Variants in SLCO3A1 observed in about 807,000 individuals in gnomAD.
SLCO3A1 encodes the protein solute carrier organic anion transporter family member 3A1.
In SLCO3A1, 27 loss-of-function variants were observed where a neutral mutation model predicts 63.1. The ratio of observed to expected loss-of-function variants is 0.43; its 90% CI spans 0.32 to 0.59. The LOEUF (loss-of-function observed/expected upper bound fraction) is 0.59, where lower values mean the gene tolerates loss of function less well. Among genes scored for constraint, SLCO3A1 ranks in the 20% least tolerant of loss-of-function variants. SLCO3A1 has a pLI of 0.09. For missense variants in SLCO3A1, 773 were observed against 945.8 expected, an observed-to-expected ratio of 0.82 and a Z score of 2.40; for synonymous variants, 473 against 409.9, an observed-to-expected ratio of 1.15 and a Z score of -1.86.
At chr15:92,171,806 G>A in exon 11 of SLCO3A1, 5 of 1,551,534 alleles carry the variant, frequency 3.2e-6, no homozygotes, top group South Asian at 1.2e-5. Flanking sequence ...CATTGAGACT[G>A]AGAAAACCTG....
intron 2 of SLCO3A1, among the ~76,000 whole-genome samples, chr15:91,987,990 T>C (rs2046076072): frequency 6.6e-6 from 1 of 152,070 alleles, no homozygotes; most frequent in Non-Finnish European, 1.5e-5. Flanking sequence ...TGTGTCAAAT[T>C]TATTTTGATT....
chr15:92,001,771 C>A (rs552508893), intron 2 of SLCO3A1, among the ~76,000 whole-genome samples: 1 of 150,498 alleles, frequency 6.6e-6, no homozygotes, highest in South Asian at 2.1e-4. Context: ...AGTTCTTGCA[C>A]TTTGCCGGGC....
At chr15:92,001,827 CTTTTTTTTTT>C (rs59951621) in intron 2 of SLCO3A1, among the ~76,000 whole-genome samples, 6 of 80,134 alleles carry the variant, frequency 7.5e-5, no homozygotes, top group East Asian at 4.4e-4. Flanking sequence ...TGTGTGAGTT[CTTTTTTTTTT>C]TTTTTTTTTT....
chr15:91,960,793 A>T (rs1278392552), intron 2 of SLCO3A1, among the ~76,000 whole-genome samples: 1 of 152,092 alleles, frequency 6.6e-6, no homozygotes, highest in Non-Finnish European at 1.5e-5. Context: ...AATTTTGAAT[A>T]TTTGCATTAT....
At chr15:91,971,832 C>T (rs6496885) in intron 2 of SLCO3A1, among the ~76,000 whole-genome samples, 2,699 of 90,362 alleles carry the variant, frequency 0.03, 89 homozygotes, top group African/African-American at 0.074. Context: ...TCAGCAGTGG[C>T]TCCGTATTCA....
At chr15:92,010,680 A>C (rs776009205) in intron 2 of SLCO3A1, among the ~76,000 whole-genome samples, 4 of 152,132 alleles carry the variant, frequency 2.6e-5, no homozygotes, top group Admixed American at 6.5e-5. Flanking sequence ...GTGGGGATCA[A>C]ATGTTCGGCT....
chr15:92,014,981 AG>A (rs2046409592), intron 2 of SLCO3A1, among the ~76,000 whole-genome samples: 1 of 152,174 alleles, frequency 6.6e-6, no homozygotes, highest in African/African-American at 2.4e-5. Flanking sequence ...GTCCCCCAAA[AG>A]GCTGATGCAT....
intron 7 of SLCO3A1, among the ~76,000 whole-genome samples, chr15:92,143,355 A>ATATATATATATATATATTATATTT (rs2048160502): frequency 4.5e-5 from 1 of 22,106 alleles, no homozygotes; most frequent in African/African-American, 1.8e-4. Flanking sequence ...CTCAGTCAAC[A>ATATATATATATATATATTATATTT]TACATATATA....
chr15:91,963,491 C>G lies in SLCO3A1; in HGVS notation c.646+47033C>G, dbSNP rs140592232. Among the ~76,000 whole-genome samples, 988 of 152,044 alleles carry G rather than the reference C, an allele frequency of 6.5e-3. 8 individuals are homozygous for G. Among genetic ancestry groups the G allele is most frequent in the Non-Finnish European group, 8.0e-3 (544 of 68,016 alleles). ...AGAAAGTGGTGTGGGTAGTGAGAAC[C>G]AATGCCCCAAATAACATTTCATCTG... is the stretch of plus-strand genomic sequence containing the variant. On this transcript the variant is annotated intron_variant, in intron 2 of 9. Transcript: ENST00000318445.
chr15:91,983,818 C>T (rs1439976381), intron 2 of SLCO3A1, among the ~76,000 whole-genome samples: 1 of 152,198 alleles, frequency 6.6e-6, no homozygotes, highest in Non-Finnish European at 1.5e-5. Flanking sequence ...GTTTATAGAT[C>T]TCTGGTTTTC....
intron 2 of SLCO3A1, among the ~76,000 whole-genome samples, chr15:92,073,285 C>T (rs1243207514): frequency 2.6e-5 from 4 of 152,126 alleles, no homozygotes; most frequent in Non-Finnish European, 5.9e-5. Flanking sequence ...GGGTCATTTC[C>T]AGGGCTCGGT....
intron 2 of SLCO3A1, among the ~76,000 whole-genome samples, chr15:91,926,596 T>TGTGTGTGTGTGTGCGCGCGCGCGC: frequency 2.0e-4 from 21 of 105,306 alleles, no homozygotes; most frequent in African/African-American, 7.7e-4. Context: ...TGTGTGTGTG[T>TGTGTGTGTGTGTGCGCGCGCGCGC]GCGCGCGCGC....
chr15:92,167,288 A>G (rs560981414), downstream of SLCO3A1, among the ~76,000 whole-genome samples: 2 of 152,162 alleles, frequency 1.3e-5, no homozygotes, highest in African/African-American at 4.8e-5. Context: ...GGCTCACGCC[A>G]TTCTCCTCTG....
At chr15:91,930,680 T>A (rs768015575) in intron 2 of SLCO3A1, among the ~76,000 whole-genome samples, 16 of 152,236 alleles carry the variant, frequency 1.1e-4, no homozygotes, top group Admixed American at 2.0e-4. Flanking sequence ...CATGGATGAA[T>A]CAGACCTAGC....
intron 2 of SLCO3A1, among the ~76,000 whole-genome samples, chr15:91,969,681 A>G (rs1808562099): frequency 6.6e-6 from 1 of 151,904 alleles, no homozygotes; most frequent in Non-Finnish European, 1.5e-5. Flanking sequence ...CACTCATAAG[A>G]CTCCATCTAT....
At chr15:92,094,754 G>C (rs985563092) in intron 2 of SLCO3A1, 127 bp from the exon 3 acceptor site, 2 of 626,192 alleles carry the variant, frequency 3.2e-6, no homozygotes, top group African/African-American at 1.8e-5. Context: ...TCCCCTCTAG[G>C]ATTTTTAGAT....
chr15:91,855,960 T>C (rs1896909046), intron 1 of SLCO3A1, among the ~76,000 whole-genome samples: 1 of 151,954 alleles, frequency 6.6e-6, no homozygotes, highest in South Asian at 2.1e-4. Context: ...GGGCTTACTA[T>C]TTTTCGGTTG....
intron 2 of SLCO3A1, among the ~76,000 whole-genome samples, chr15:92,034,709 G>A (rs1260784597): frequency 2.6e-5 from 4 of 151,802 alleles, no homozygotes; most frequent in Admixed American, 2.6e-4. Context: ...AGGTGACAGC[G>A]ACCATTGGAT....
chr15:91,890,479 G>A (rs1442085870), intron 1 of SLCO3A1, among the ~76,000 whole-genome samples: 1 of 152,090 alleles, frequency 6.6e-6, no homozygotes, highest in Non-Finnish European at 1.5e-5. Context: ...CCCTCCCAGT[G>A]GCCTCACCCA....
Sources: allele counts gnomAD v4.1 joint callset (sites outside exome capture counted in the v4.1 genomes callset), GRCh38; gene constraint gnomAD v4.1.1; transcripts MANE v1.5; gene names NCBI Gene and HGNC (gene_info 2026-07-23, HGNC 2026-07-21).